Variants in NELL2 observed in about 807,000 individuals in gnomAD.
NELL2 encodes the protein protein kinase C-binding protein NELL2.
A neutral mutation model predicts 109.6 loss-of-function variants in NELL2; 41 were observed. That is an observed-to-expected ratio of 0.37 (90% CI 0.29 to 0.49). The LOEUF is 0.49. NELL2 is among the 20% of genes least tolerant of loss of function. NELL2 has a pLI of 0.98. For synonymous variants in NELL2, 355 were observed against 344.7 expected, an observed-to-expected ratio of 1.03 and a Z score of -0.33; for missense variants, 900 against 1,008.3, an observed-to-expected ratio of 0.89 and a Z score of 1.45.
At chr12:44,682,410 C>T (rs569728029) in intron 12 of NELL2, among the ~76,000 whole-genome samples, 1 of 152,014 alleles carries the variant, frequency 6.6e-6, no homozygotes, top group East Asian at 1.9e-4. Context: ...TGTGCAGAAG[C>T]TCTTTAGTTG....
At chr12:44,882,834 C>CTTTTTTTTT (rs35577007) in intron 1 of NELL2, among the ~76,000 whole-genome samples, 1 of 73,278 alleles carries the variant, frequency 1.4e-5, no homozygotes, top group East Asian at 5.3e-4. Flanking sequence ...GGCTATATAC[C>CTTTTTTTTT]TTTTTTTTTT....
intron 13 of NELL2, among the ~76,000 whole-genome samples, chr12:44,637,157 G>T (rs1592247422): frequency 6.6e-6 from 1 of 151,264 alleles, no homozygotes; most frequent in East Asian, 2.0e-4. Flanking sequence ...TTCTTTATTA[G>T]TCTGGCTAGT....
At chr12:44,663,241 A>C (rs1452259) in intron 13 of NELL2, among the ~76,000 whole-genome samples, 25,026 of 151,998 alleles carry the variant, frequency 0.16, 2,155 homozygotes, top group East Asian at 0.21. Context: ...TGACCTTCTA[A>C]GGCCTAACAT....
At chr12:44,631,977 A>G (rs1025305916) in intron 13 of NELL2, among the ~76,000 whole-genome samples, 2 of 152,148 alleles carry the variant, frequency 1.3e-5, no homozygotes, top group Admixed American at 6.6e-5. Context: ...CATACATCCT[A>G]TCTAAGTGGA....
chr12:44,657,371 G>A (rs1313746033), intron 13 of NELL2, among the ~76,000 whole-genome samples: 1 of 152,052 alleles, frequency 6.6e-6, no homozygotes, highest in Non-Finnish European at 1.5e-5. Context: ...GGTATATGAG[G>A]TATGACTCAA....
intron 15 of NELL2, among the ~76,000 whole-genome samples, chr12:44,567,359 A>G (rs1177001898): frequency 6.6e-6 from 1 of 152,246 alleles, no homozygotes; most frequent in Admixed American, 6.5e-5. Flanking sequence ...GATCAAATAG[A>G]AAGGAGATAC....
chr12:44,548,884 T>A (rs922224074), intron 15 of NELL2, among the ~76,000 whole-genome samples: 3 of 152,220 alleles, frequency 2.0e-5, no homozygotes, highest in Non-Finnish European at 4.4e-5. Flanking sequence ...AAGTTGATTA[T>A]AAAACAAATG....
intron 13 of NELL2, among the ~76,000 whole-genome samples, chr12:44,628,559 C>T (rs1044646440): frequency 1.3e-4 from 20 of 152,162 alleles, no homozygotes; most frequent in Admixed American, 3.9e-4. Flanking sequence ...GTCTTTGGGT[C>T]TGCTCATTTC....
chr12:44,866,176 C>T (rs1408210068), intron 2 of NELL2, among the ~76,000 whole-genome samples: 3 of 152,186 alleles, frequency 2.0e-5, no homozygotes, highest in Non-Finnish European at 2.9e-5. Flanking sequence ...AATCTGCTGG[C>T]ACCTTGATCT....
chr12:44,660,167 C>T (rs1184078102), intron 13 of NELL2, among the ~76,000 whole-genome samples: 1 of 151,952 alleles, frequency 6.6e-6, no homozygotes, highest in Non-Finnish European at 1.5e-5. Flanking sequence ...AGAAGGTATC[C>T]CTATACAGGG....
intron 2 of NELL2, among the ~76,000 whole-genome samples, chr12:44,818,252 T>A (rs1943419192): frequency 6.6e-6 from 1 of 152,234 alleles, no homozygotes; most frequent in Non-Finnish European, 1.5e-5. Context: ...AACTTTTAAT[T>A]CATTCTAATT....
chr12:44,654,512 G>A (rs1947420879), intron 13 of NELL2, among the ~76,000 whole-genome samples: 1 of 152,184 alleles, frequency 6.6e-6, no homozygotes, highest in South Asian at 2.1e-4. Context: ...GCTGGACCTA[G>A]TGATTTGTTT....
chr12:44,744,628 G>A (rs536866044), intron 9 of NELL2, among the ~76,000 whole-genome samples: 94 of 152,272 alleles, frequency 6.2e-4, no homozygotes, highest in Middle Eastern at 3.4e-3. Flanking sequence ...TATCACCACT[G>A]ATCCCACAGA....
chr12:44,600,757 G>A (rs1257207995), intron 15 of NELL2, among the ~76,000 whole-genome samples: 1 of 152,062 alleles, frequency 6.6e-6, no homozygotes, highest in Non-Finnish European at 1.5e-5. Flanking sequence ...ACTTATCTAT[G>A]GTATGATTTC....
chr12:44,662,783 T>A (rs979420593), intron 13 of NELL2, among the ~76,000 whole-genome samples: 1 of 152,208 alleles, frequency 6.6e-6, no homozygotes, highest in Non-Finnish European at 1.5e-5. Flanking sequence ...AATTTCCACA[T>A]GGGATAAGCA....
intron 3 of NELL2, among the ~76,000 whole-genome samples, chr12:44,814,772 A>C (rs2136681976): frequency 6.6e-6 from 1 of 152,322 alleles, no homozygotes; most frequent in South Asian, 2.1e-4. Context: ...TCACTAAGTC[A>C]GCCTTGCTAT....
intron 9 of NELL2, among the ~76,000 whole-genome samples, chr12:44,747,886 T>C (rs1204935432): frequency 6.6e-6 from 1 of 152,146 alleles, no homozygotes; most frequent in Non-Finnish European, 1.5e-5. Context: ...GAAACCTGCA[T>C]GCTAACTGGT....
chr12:44,714,788 G>C (rs1216831026), intron 9 of NELL2, 47 bp from the exon 10 acceptor site: 1 of 1,228,882 alleles, frequency 8.1e-7, no homozygotes, highest in Non-Finnish European at 1.1e-6. Context: ...GGGAAAAATA[G>C]CTTAGAAGGG....
chr12:44,541,865 TG>T (rs1212254439), intron 15 of NELL2, among the ~76,000 whole-genome samples: 1 of 152,210 alleles, frequency 6.6e-6, no homozygotes, highest in Non-Finnish European at 1.5e-5. Context: ...CCATTTTAAA[TG>T]GAAGTGAACT....
Sources: allele counts gnomAD v4.1 joint callset (sites outside exome capture counted in the v4.1 genomes callset), GRCh38; gene constraint gnomAD v4.1.1; transcripts MANE v1.5; gene names NCBI Gene and HGNC (gene_info 2026-07-23, HGNC 2026-07-21).